The following PDE4D variants were observed in gnomAD, a reference collection of about 807,000 sequenced individuals.
PDE4D encodes 3',5'-cyclic-AMP phosphodiesterase 4D.
In PDE4D, 24 loss-of-function variants were observed where a neutral mutation model predicts 87.4. The ratio of observed to expected loss-of-function variants is 0.27; its 90% CI spans 0.20 to 0.39. PDE4D has a LOEUF of 0.39. Among genes scored for constraint, PDE4D ranks in the 10% least tolerant of loss-of-function variants. The pLI is 1.00. For synonymous variants in PDE4D, 384 were observed against 383.2 expected, an observed-to-expected ratio of 1.00 and a Z score of -0.02; for missense variants, 714 against 1,041.0, an observed-to-expected ratio of 0.69 and a Z score of 4.32.
At chr5:59,852,380 T>A (rs1272793558) in intron 1 of PDE4D, among the ~76,000 whole-genome samples, 1 of 152,058 alleles carries the variant, frequency 6.6e-6, no homozygotes, top group Non-Finnish European at 1.5e-5. Context: ...TCCACCTTAA[T>A]CTCCTATGGA....
At chr5:59,170,778 C>A (rs922957526) in intron 5 of PDE4D, among the ~76,000 whole-genome samples, 1 of 152,026 alleles carries the variant, frequency 6.6e-6, no homozygotes, top group South Asian at 2.1e-4. Context: ...AATTTTTTAA[C>A]CCCTACCTAA....
intron 1 of PDE4D, among the ~76,000 whole-genome samples, chr5:59,698,363 G>A (rs954578776): frequency 2.6e-5 from 4 of 151,964 alleles, no homozygotes; most frequent in Admixed American, 6.6e-5. Flanking sequence ...TCTTGACCCC[G>A]GACTTTCTAC....
intron 1 of PDE4D, among the ~76,000 whole-genome samples, chr5:59,535,312 G>A (rs961890249): frequency 5.9e-5 from 9 of 152,146 alleles, no homozygotes; most frequent in Non-Finnish European, 1.0e-4. Context: ...ATTTTTCTGG[G>A]TGTCTGGCCC....
At chr5:60,009,614 T>C (rs1325889896) in intron 2 of PDE4D, among the ~76,000 whole-genome samples, 1 of 151,932 alleles carries the variant, frequency 6.6e-6, no homozygotes, top group Non-Finnish European at 1.5e-5. Flanking sequence ...GTTAGAAAAA[T>C]TTTTTAAAGT....
chr5:60,420,436 C>T (rs981523498), intron 1 of PDE4D, among the ~76,000 whole-genome samples: 8 of 152,314 alleles, frequency 5.3e-5, no homozygotes, highest in East Asian at 1.9e-4. Flanking sequence ...ACATGTTCAA[C>T]GTGATCAGCC....
intron 2 of PDE4D, among the ~76,000 whole-genome samples, chr5:59,201,872 C>T (rs1747495555): frequency 6.6e-6 from 1 of 152,034 alleles, no homozygotes; most frequent in African/African-American, 2.4e-5. Context: ...TGTCCAGCAA[C>T]CTTTTACTGA....
intron 2 of PDE4D, among the ~76,000 whole-genome samples, chr5:60,033,610 C>T (rs1767473128): frequency 6.6e-6 from 1 of 152,274 alleles, no homozygotes; most frequent in East Asian, 1.9e-4. Flanking sequence ...AACTTCCATG[C>T]TAATTAATTT....
At chr5:60,097,045 T>A (rs1775746576) in intron 2 of PDE4D, among the ~76,000 whole-genome samples, 1 of 152,080 alleles carries the variant, frequency 6.6e-6, no homozygotes, top group African/African-American at 2.4e-5. Context: ...GAAGTGTGAA[T>A]TCTTGTTGAT....
At chr5:60,141,248 C>T (rs966189839) in intron 2 of PDE4D, among the ~76,000 whole-genome samples, 2 of 152,082 alleles carry the variant, frequency 1.3e-5, no homozygotes, top group African/African-American at 4.8e-5. Flanking sequence ...AGTGGCAGGA[C>T]CTTCTGCCCC....
intron 1 of PDE4D, among the ~76,000 whole-genome samples, chr5:59,810,173 C>A (rs1238449639): frequency 6.6e-6 from 1 of 152,184 alleles, no homozygotes; most frequent in African/African-American, 2.4e-5. Context: ...AACATCAAAA[C>A]GTGGCGTGGG....
intron 1 of PDE4D, among the ~76,000 whole-genome samples, chr5:59,806,782 C>T (rs1767784839): frequency 6.6e-6 from 1 of 152,038 alleles, no homozygotes; most frequent in African/African-American, 2.4e-5. Context: ...AGTGTTTTCA[C>T]CACAAAAATG....
rs185963911 is a variant in PDE4D at position 59,328,680 on chromosome 5, A to G, written c.456-112712T>C. On this transcript the variant is annotated intron_variant, in intron 1 of 14. Transcript: ENST00000340635. Reference sequence around the variant, plus strand: ...TTGTGTTTTTACATTTTCCTCAGGTACTGAAATAATGACTAAAAACACCCT... The same window carrying G: ...TTGTGTTTTTACATTTTCCTCAGGTGCTGAAATAATGACTAAAAACACCCT... 2.1e-3 allele frequency among the ~76,000 whole-genome samples: 322 copies of G among 152,284 alleles called. 2 individuals are homozygous for G. Among genetic ancestry groups the G allele is most frequent in the African/African-American group, 7.2e-3 (300 of 41,568 alleles).
chr5:59,557,305 T>C (rs1176209961), intron 1 of PDE4D, among the ~76,000 whole-genome samples: 2 of 152,338 alleles, frequency 1.3e-5, no homozygotes, highest in Middle Eastern at 3.4e-3. Flanking sequence ...TGGTTTTACA[T>C]AAATTTGCAA....
intron 1 of PDE4D, among the ~76,000 whole-genome samples, chr5:59,510,187 A>C (rs1298079777): frequency 1.3e-5 from 2 of 151,028 alleles, no homozygotes; most frequent in Non-Finnish European, 3.0e-5. Flanking sequence ...TAAAATACTT[A>C]AAACTTAATA....
chr5:59,736,440 AG>A, intron 1 of PDE4D, among the ~76,000 whole-genome samples: 1 of 152,268 alleles, frequency 6.6e-6, no homozygotes, highest in South Asian at 2.1e-4. Context: ...GCACTTTGGG[AG>A]GCTGAGGCGG....
At chr5:60,055,715 A>C (rs529473636) in intron 2 of PDE4D, among the ~76,000 whole-genome samples, 1 of 152,246 alleles carries the variant, frequency 6.6e-6, no homozygotes, top group Non-Finnish European at 1.5e-5. Context: ...TCAGTGACTC[A>C]ATCCAAGGTC....
chr5:59,680,392 A>G (rs1298849843), intron 1 of PDE4D, among the ~76,000 whole-genome samples: 13 of 152,154 alleles, frequency 8.5e-5, no homozygotes, highest in Admixed American at 8.5e-4. Flanking sequence ...CAGTTAACTG[A>G]GTCTTAAATG....
chr5:59,653,657 T>C (rs1743891532), intron 1 of PDE4D, among the ~76,000 whole-genome samples: 1 of 152,194 alleles, frequency 6.6e-6, no homozygotes, highest in African/African-American at 2.4e-5. Flanking sequence ...TTATTGCACA[T>C]AGGATTTGTC....
At chr5:59,574,145 A>T (rs7701758) in intron 1 of PDE4D, among the ~76,000 whole-genome samples, 553 of 3,052 alleles carry the variant, frequency 0.18, 14 homozygotes, top group African/African-American at 0.31. Context: ...TATATATATA[A>T]ATATATATTT....
Sources: gnomAD v4.1 joint callset for allele counts (sites outside exome capture counted in the v4.1 genomes callset) on GRCh38, gnomAD v4.1.1 for gene constraint, MANE v1.5 for transcripts, NCBI Gene and HGNC (gene_info 2026-07-23, HGNC 2026-07-21) for gene names.